The following USH2A variants were observed in gnomAD, a reference collection of about 807,000 sequenced individuals.
The protein encoded by USH2A is Usher syndrome 2A (autosomal recessive, mild).
In USH2A, 443 loss-of-function variants were observed where a neutral mutation model predicts 538.9. The observed-to-expected ratio is 0.82, with a 90% CI of 0.76 to 0.89. The LOEUF (loss-of-function observed/expected upper bound fraction) is 0.89. Ranked by LOEUF, USH2A falls within the 40% of genes least tolerant of loss-of-function variation. USH2A has a pLI of 0.00. For synonymous variants in USH2A, 2,413 were observed against 2,273.5 expected, an observed-to-expected ratio of 1.06 and a Z score of -1.75; for missense variants, 6,633 against 6,324.8, an observed-to-expected ratio of 1.05 and a Z score of -1.65.
At chr1:215,870,297 T>A (rs75576054) in intron 43 of USH2A, among the ~76,000 whole-genome samples, 7 of 151,030 alleles carry the variant, frequency 4.6e-5, no homozygotes, top group Non-Finnish European at 1.5e-5. Flanking sequence ...ATTTTTTTTT[T>A]ATTTATTTAT....
At chr1:216,190,780 A>T (rs2034699104) in intron 19 of USH2A, among the ~76,000 whole-genome samples, 1 of 151,980 alleles carries the variant, frequency 6.6e-6, no homozygotes, top group African/African-American at 2.4e-5. Context: ...TGGTGCTAGG[A>T]CAGAAAGAAA....
chr1:215,941,788 A>G (rs572357610), intron 37 of USH2A, among the ~76,000 whole-genome samples: 2 of 152,284 alleles, frequency 1.3e-5, no homozygotes, highest in African/African-American at 2.4e-5. Context: ...TGGAAGATAT[A>G]TACTTGAGAT....
At chr1:216,308,784 C>T (rs997778840) in intron 9 of USH2A, among the ~76,000 whole-genome samples, 1 of 152,082 alleles carries the variant, frequency 6.6e-6, no homozygotes, top group Non-Finnish European at 1.5e-5. Context: ...TATAATTATA[C>T]AATAAGCCTC....
chr1:216,340,650 C>T lies in USH2A; in HGVS notation c.785-12996G>A, dbSNP rs185609141. On this transcript the variant is annotated intron_variant, in intron 4 of 71. Coordinates refer to ENST00000307340, the MANE Select transcript of USH2A (RefSeq NM_206933.4). ...TCCAGCAGCATATCCTTATCCACCACGACCAAGCTGGCTTCATCCCTGGGA... is the reference window on the plus strand; with the variant it reads ...TCCAGCAGCATATCCTTATCCACCATGACCAAGCTGGCTTCATCCCTGGGA... 1.6e-4 allele frequency among the ~76,000 whole-genome samples: 24 copies of T among 152,046 alleles called. No homozygotes were observed. In the East Asian group the frequency reaches 2.9e-3, roughly 18 times the overall value.
At chr1:215,626,651 A>G (rs1361772532) in intron 71 of USH2A, among the ~76,000 whole-genome samples, 3 of 152,212 alleles carry the variant, frequency 2.0e-5, no homozygotes, top group Non-Finnish European at 4.4e-5. Context: ...TACCGTAAAA[A>G]GCAAGCAAAA....
chr1:215,790,097 C>T lies in USH2A; in HGVS notation c.10144G>A (p.Val3382Ile), dbSNP rs995922164. ...CCAGTTGAAATCTTGTCAGAGCAAA[C>T]ATATTTCAAAGGATTATATCCAACT... ...NGVGYNPLKY[V>I]CSDKISTGMM... Residue 3382 changes from valine to isoleucine, a missense_variant, in exon 51 of 72, where the codon GTT (valine) becomes ATT (isoleucine). Physicochemically the swap from Val to Ile is conservative, Grantham distance 29 (BLOSUM62 3). Coordinates refer to ENST00000307340, the MANE Select transcript of USH2A (RefSeq NM_206933.4). 1.2e-6 allele frequency: 2 copies of T among 1,613,302 alleles called. No homozygotes were observed. The highest frequency in any genetic ancestry group is 2.2e-5 in the East Asian group (1 of 44,808).
chr1:215,650,922 G>C, intron 64 of USH2A, 121 bp from the exon 65 acceptor site: 4 of 1,051,610 alleles, frequency 3.8e-6, no homozygotes, highest in Non-Finnish European at 5.6e-6. Flanking sequence ...ACAACAGGAA[G>C]AGATAAACTT....
chr1:215,952,914 C>T (rs1032078399), intron 37 of USH2A, among the ~76,000 whole-genome samples: 51 of 152,226 alleles, frequency 3.4e-4, no homozygotes, highest in African/African-American at 1.2e-3. Flanking sequence ...TTCTTATACA[C>T]CAATAACAGA....
At position 216,083,276 on chromosome 1, in the gene USH2A, A is replaced by G. The variant is rs568451128; in HGVS notation, c.5298+180T>C. The G allele has an allele frequency of 1.3e-5, 7 of 556,030 alleles. No individual in the cohort carries two copies. In the African/African-American group the frequency reaches 1.3e-4, roughly 11 times the overall value. The allele number at this position is 556,030 out of a possible 1,614,324, so 34.4% of individuals were successfully genotyped here. ...ACAATTGTCATCTTAAAAAATTACTAGGATAATAAAATACAAAATGTTTCA... is the reference window on the plus strand; with the variant it reads ...ACAATTGTCATCTTAAAAAATTACTGGGATAATAAAATACAAAATGTTTCA... On this transcript the variant is annotated intron_variant, in intron 26 of 71. Coordinates refer to ENST00000307340, the MANE Select transcript of USH2A (RefSeq NM_206933.4).
rs543899239 is a variant in USH2A at position 216,046,305 on chromosome 1, A to G, written c.6325+126T>C. 2.9e-5 allele frequency: 29 copies of G among 1,008,106 alleles called. No individual in the cohort carries two copies. The South Asian group carries it at 3.0e-4, about 10-fold the overall frequency. 62.4% of individuals were successfully genotyped at this position (1,008,106 alleles called of 1,614,324 possible). A position where few individuals can be genotyped will look rare whatever the true frequency, so the allele number is the denominator to read the frequency against. On this transcript the variant is annotated intron_variant, in intron 32 of 71. Coordinates refer to ENST00000307340, the MANE Select transcript of USH2A (RefSeq NM_206933.4). ...ATTGTTCTGTTGTTATTTTTTTCAC[A>G]TATTTCCTAAGCATTCTTGATTAAA...
At chr1:215,650,853 G>GAAAAAAAAAAAA in intron 64 of USH2A, 52 bp from the exon 65 acceptor site, 2 of 1,232,022 alleles carry the variant, frequency 1.6e-6, no homozygotes, top group Non-Finnish European at 2.2e-6. Context: ...CTAAGGCTGG[G>GAAAAAAAAAAAA]AAAAAAAAAA....
intron 3 of USH2A, among the ~76,000 whole-genome samples, chr1:216,416,864 A>G (rs764809503): frequency 2.6e-5 from 4 of 152,130 alleles, no homozygotes; most frequent in African/African-American, 4.8e-5. Flanking sequence ...TGCAACAAAC[A>G]TATCTATTTG....
At chr1:216,073,956 A>C (rs1041010533) in intron 27 of USH2A, among the ~76,000 whole-genome samples, 12 of 152,218 alleles carry the variant, frequency 7.9e-5, no homozygotes, top group Admixed American at 2.0e-4. Flanking sequence ...AACATACAAA[A>C]TGGTCACCAG....
At chr1:215,791,764 GTATA>G (rs960505718) in intron 50 of USH2A, among the ~76,000 whole-genome samples, 1 of 152,040 alleles carries the variant, frequency 6.6e-6, no homozygotes, top group African/African-American at 2.4e-5. Flanking sequence ...ATTATGGTGG[GTATA>G]TATGTGTGTA....
At chr1:216,196,353 T>C (rs1355346806) in intron 19 of USH2A, among the ~76,000 whole-genome samples, 200 bp downstream of exon 19, 1 of 152,088 alleles carries the variant, frequency 6.6e-6, no homozygotes, top group African/African-American at 2.4e-5. Context: ...ACCAACTTAG[T>C]TTCAATATAT....
chr1:215,696,831 T>G (rs915181861), intron 61 of USH2A, among the ~76,000 whole-genome samples: 1 of 152,136 alleles, frequency 6.6e-6, no homozygotes, highest in African/African-American at 2.4e-5. Flanking sequence ...GCCACTGCAC[T>G]CCAGCCTGGG....
chr1:215,903,551 G>C (rs1301147792), intron 38 of USH2A, among the ~76,000 whole-genome samples: 1 of 152,096 alleles, frequency 6.6e-6, no homozygotes, highest in Non-Finnish European at 1.5e-5. Flanking sequence ...TGTGGGAAGA[G>C]AGAGGTGAGC....
Position 215,671,127 on chromosome 1 carries a change from G to T in USH2A, c.13978C>A (p.Pro4660Thr). ...QPTVSLLWTG[P>T]LQPNGKVLYY... is the part of the protein sequence containing the mutation. ...AAAACTTTTCCATTTGGCTGCAGCG[G>T]TCCTGTCCACAAAAGAGAAACAGTT... is the stretch of plus-strand genomic sequence containing the variant. Residue 4660 changes from proline (P) to threonine (T), a missense_variant, in exon 64 of 72, where the codon CCG becomes ACG. Pro to Thr is a conservative substitution (Grantham distance 38, BLOSUM62 -1). Transcript: ENST00000307340. The T allele has an allele frequency of 6.2e-7, 1 of 1,614,086 alleles. No individual in the cohort carries two copies. The highest frequency in any genetic ancestry group is 8.5e-7 in the Non-Finnish European group (1 of 1,180,010).
intron 51 of USH2A, among the ~76,000 whole-genome samples, chr1:215,789,338 G>A (rs936159612): frequency 2.0e-5 from 3 of 152,188 alleles, no homozygotes; most frequent in South Asian, 4.1e-4. Context: ...TTGAACAAGC[G>A]TCCTTCCATT....
Sources: allele counts gnomAD v4.1 joint callset (sites outside exome capture counted in the v4.1 genomes callset), GRCh38; gene constraint gnomAD v4.1.1; transcripts MANE v1.5; gene names NCBI Gene and HGNC (gene_info 2026-07-23, HGNC 2026-07-21).